Variants in COL24A1 observed in about 807,000 individuals in gnomAD.
COL24A1 encodes the protein collagen alpha-1(XXIV) chain.
In COL24A1, 224 loss-of-function variants were observed where a neutral mutation model predicts 253.9. That is an observed-to-expected ratio of 0.88 (90% confidence interval 0.79 to 0.99). The LOEUF is 0.99. COL24A1 is among the 50% of genes least tolerant of loss of function. COL24A1 has a pLI of 0.00. For missense variants in COL24A1, 2,131 were observed against 2,068.5 expected, an observed-to-expected ratio of 1.03 and a Z score of -0.59; for synonymous variants, 685 against 673.7, an observed-to-expected ratio of 1.02 and a Z score of -0.26.
intron 43 of COL24A1, among the ~76,000 whole-genome samples, chr1:85,828,096 C>T (rs941143614): frequency 1.3e-4 from 20 of 152,140 alleles, no homozygotes; most frequent in Admixed American, 7.9e-4. Flanking sequence ...GCTTTGAATG[C>T]ATCCCAGAGA....
At chr1:85,763,492 CTTTT>C (rs371408246) in intron 53 of COL24A1, among the ~76,000 whole-genome samples, 1 of 124,530 alleles carries the variant, frequency 8.0e-6, no homozygotes. Flanking sequence ...CTTTTACTTT[CTTTT>C]TTTTTTTTTT....
At chr1:85,870,273 C>T (rs1389603741) in intron 35 of COL24A1, among the ~76,000 whole-genome samples, 2 of 152,284 alleles carry the variant, frequency 1.3e-5, no homozygotes, top group Middle Eastern at 3.4e-3. Context: ...CCATTGTCAA[C>T]ATTAGACAGA....
chr1:86,116,901 A>T (rs1706199459), intron 3 of COL24A1, among the ~76,000 whole-genome samples: 1 of 148,046 alleles, frequency 6.8e-6, no homozygotes, highest in Admixed American at 6.9e-5. Flanking sequence ...TTTAGCAGCC[A>T]TTATCATATC....
chr1:86,060,946 C>T (rs1305338177), intron 8 of COL24A1, among the ~76,000 whole-genome samples: 1 of 151,638 alleles, frequency 6.6e-6, no homozygotes, highest in African/African-American at 2.4e-5. Flanking sequence ...TTATCATGGG[C>T]CAGGCACTAT....
At chr1:85,973,814 A>C (rs919793856) in intron 20 of COL24A1, among the ~76,000 whole-genome samples, 1 of 152,192 alleles carries the variant, frequency 6.6e-6, no homozygotes, top group Non-Finnish European at 1.5e-5. Flanking sequence ...AACCAAAATT[A>C]TAATCTTAAA....
chr1:85,901,294 G>A (rs1201220030), intron 28 of COL24A1, among the ~76,000 whole-genome samples: 1 of 151,992 alleles, frequency 6.6e-6, no homozygotes, highest in East Asian at 1.9e-4. Flanking sequence ...ACAGACACAT[G>A]AAAAAATGCT....
intron 7 of COL24A1, among the ~76,000 whole-genome samples, chr1:86,083,614 G>C (rs987310821): frequency 2.6e-5 from 4 of 152,076 alleles, no homozygotes; most frequent in Non-Finnish European, 5.9e-5. Flanking sequence ...TCATGTAAAA[G>C]GCAACATCAC....
intron 2 of COL24A1, among the ~76,000 whole-genome samples, chr1:86,144,627 T>C (rs1372957111): frequency 6.6e-6 from 1 of 152,126 alleles, no homozygotes; most frequent in Non-Finnish European, 1.5e-5. Context: ...AATAATTGTA[T>C]TCTTCTCTTC....
intron 6 of COL24A1, 47 bp from the exon 7 acceptor site, chr1:86,089,274 A>C: frequency 1.4e-5 from 20 of 1,405,548 alleles, no homozygotes; most frequent in Non-Finnish European, 1.8e-5. Context: ...AGAACTGAAA[A>C]TTAGAATTCT....
chr1:85,961,276 T>C lies in COL24A1; in HGVS notation c.2535A>G (p.Gln845=). The C allele has an allele frequency of 6.2e-7, 1 of 1,605,396 alleles. No individual in the cohort carries two copies. Among genetic ancestry groups the C allele is most frequent in the Non-Finnish European group, 8.5e-7 (1 of 1,173,128 alleles). Residue 845 remains glutamine (Q), a synonymous_variant, in exon 24 of 60, where the codon CAA becomes CAG. Coordinates refer to ENST00000370571, the MANE Select transcript of COL24A1 (RefSeq NM_152890.7). ...TTTCACCAATTTTTCCAATATTTCC[T>C]TGATCTCCTACTTCTCCCTGTCAAA... is the stretch of plus-strand genomic sequence containing the variant. ...PEGLKGEVGD[Q]GNIGKIGETG... is the part of the protein sequence containing the mutation.
intron 43 of COL24A1, among the ~76,000 whole-genome samples, chr1:85,830,791 T>C (rs1308176544): frequency 6.6e-6 from 1 of 152,098 alleles, no homozygotes. Context: ...TCGCGCACAG[T>C]GCGTGCACCC....
chr1:86,101,986 A>C (rs1215621420), intron 5 of COL24A1, among the ~76,000 whole-genome samples: 1 of 151,970 alleles, frequency 6.6e-6, no homozygotes, highest in Non-Finnish European at 1.5e-5. Flanking sequence ...CATCTAGTAG[A>C]ATTTTACTAC....
chr1:85,970,376 G>C, intron 21 of COL24A1, 105 bp from the exon 22 acceptor site: 6 of 1,089,178 alleles, frequency 5.5e-6, no homozygotes, highest in Non-Finnish European at 7.9e-6. Flanking sequence ...CTCATTCTGA[G>C]ATGTGATGAA....
intron 3 of COL24A1, among the ~76,000 whole-genome samples, chr1:86,121,525 A>G (rs1336383687): frequency 2.0e-5 from 3 of 152,106 alleles, no homozygotes; most frequent in Non-Finnish European, 2.9e-5. Flanking sequence ...AGTTCAAAGA[A>G]GAGTTGTGAA....
At chr1:85,863,785 A>G (rs1679447359) in intron 37 of COL24A1, among the ~76,000 whole-genome samples, 2 of 152,220 alleles carry the variant, frequency 1.3e-5, no homozygotes, top group Non-Finnish European at 2.9e-5. Flanking sequence ...CAGCCAACAG[A>G]CAGATGAAAC....
intron 22 of COL24A1, 100 bp downstream of exon 22, chr1:85,970,127 G>T: frequency 1.3e-5 from 14 of 1,061,054 alleles, no homozygotes; most frequent in African/African-American, 3.3e-5. Flanking sequence ...TTTCATTTTT[G>T]TCCTTTACTA....
At chr1:85,886,148 T>C (rs1195158301) in intron 32 of COL24A1, among the ~76,000 whole-genome samples, 1 of 151,882 alleles carries the variant, frequency 6.6e-6, no homozygotes, top group African/African-American at 2.4e-5. Context: ...CCTCCTGGGT[T>C]AAAGCAATTC....
chr1:86,071,469 G>T (rs1701869012), intron 7 of COL24A1, among the ~76,000 whole-genome samples: 1 of 152,026 alleles, frequency 6.6e-6, no homozygotes, highest in Non-Finnish European at 1.5e-5. Flanking sequence ...CTGAATGAAT[G>T]AAAAAACAAG....
intron 47 of COL24A1, among the ~76,000 whole-genome samples, chr1:85,807,307 C>T (rs1672078414): frequency 6.6e-6 from 1 of 152,232 alleles, no homozygotes; most frequent in Non-Finnish European, 1.5e-5. Context: ...CCTCTAACCA[C>T]AGCCCCTGGA....
Sources: gnomAD v4.1 joint callset for allele counts (sites outside exome capture counted in the v4.1 genomes callset) on GRCh38, gnomAD v4.1.1 for gene constraint, MANE v1.5 for transcripts, NCBI Gene and HGNC (gene_info 2026-07-23, HGNC 2026-07-21) for gene names.